Variants in ALKBH8 observed in about 807,000 individuals in gnomAD.
ALKBH8 encodes the protein alkB homolog 8, tRNA methyltransferase.
ALKBH8 carries 36 observed loss-of-function variants against 59.8 expected under a neutral mutation model. That is an observed-to-expected ratio of 0.60 (90% CI 0.46 to 0.79). The LOEUF is 0.79. Ranked by LOEUF, ALKBH8 falls within the 30% of genes least tolerant of loss-of-function variation. The probability of loss-of-function intolerance (pLI) is 0.00; values close to 1 mark genes in which losing one functional copy is unlikely to be tolerated. For synonymous variants in ALKBH8, 276 were observed against 273.6 expected (o/e 1.01, Z -0.09); for missense variants, 768 against 801.0 (o/e 0.96, Z 0.50).
intron 2 of ALKBH8, among the ~76,000 whole-genome samples, chr11:107,557,423 C>T (rs551651591): frequency 1.7e-3 from 261 of 152,260 alleles, no homozygotes; most frequent in African/African-American, 5.8e-3. Context: ...ATCTTCACAA[C>T]ATATTGAATT....
chr11:107,506,499 A>T (rs1862392599), intron 11 of ALKBH8, among the ~76,000 whole-genome samples: 1 of 152,150 alleles, frequency 6.6e-6, no homozygotes, highest in South Asian at 2.1e-4. Flanking sequence ...GAAAAGATCA[A>T]GAATTTCAGT....
At chr11:107,545,639 C>T (rs1235791343) in intron 7 of ALKBH8, among the ~76,000 whole-genome samples, 4 of 152,116 alleles carry the variant, frequency 2.6e-5, no homozygotes, top group Non-Finnish European at 4.4e-5. Flanking sequence ...TACTGATGAA[C>T]GGACTTCCAT....
At chr11:107,553,775 A>G in intron 4 of ALKBH8, 72 bp downstream of exon 4, 2 of 1,500,088 alleles carry the variant, frequency 1.3e-6, no homozygotes, top group Middle Eastern at 3.8e-4. Context: ...TTAATAAACC[A>G]TGAAAGACAG....
intron 1 of ALKBH8, among the ~76,000 whole-genome samples, chr11:107,563,238 T>C (rs1443706121): frequency 1.3e-5 from 2 of 152,228 alleles, no homozygotes; most frequent in African/African-American, 2.4e-5. Context: ...TTAATTATAA[T>C]TATTTGTTTT....
Position 107,504,695 on chromosome 11 carries a change from T to C in ALKBH8, c.1958A>G (p.Asp653Gly). Residue 653 changes from aspartate to glycine, a missense_variant, in exon 12 of 12, where the codon GAT (aspartate) becomes GGT (glycine). Transcript: ENST00000428149. ...AAGAATCACACACCAGTTTCCTTGA[T>C]CGTAGTAGCTTTGCAGAATTCTGAC... The part of the protein sequence containing the change: ...SDVRILQSYY[D>G]QGNWCVILQK... 1.3e-6 allele frequency: 2 copies of C among 1,550,180 alleles called. No homozygotes were observed. The highest frequency in any genetic ancestry group is 1.7e-6 in the Non-Finnish European group (2 of 1,146,232).
chr11:107,562,029 G>C (rs1864956543), intron 1 of ALKBH8, among the ~76,000 whole-genome samples: 7 of 152,130 alleles, frequency 4.6e-5, no homozygotes, highest in Non-Finnish European at 8.8e-5. Flanking sequence ...TGTGGGCTGG[G>C]AGCAGTGACT....
intron 1 of ALKBH8, among the ~76,000 whole-genome samples, chr11:107,563,932 C>A (rs1865034001): frequency 6.6e-6 from 1 of 152,122 alleles, no homozygotes. Flanking sequence ...AGTTTTCCAC[C>A]ATTCCAGTGG....
intron 2 of ALKBH8, 82 bp downstream of exon 2, chr11:107,560,683 G>A (rs113832974): frequency 1.5e-6 from 2 of 1,324,330 alleles, no homozygotes; most frequent in East Asian, 5.0e-5. Context: ...TACAGCCTTA[G>A]GCAATTATTA....
At position 107,504,729 on chromosome 11, in the gene ALKBH8, C is replaced by G. The variant is rs780419869; in HGVS notation, c.1924G>C (p.Val642Leu). The change falls in exon 12 of 12, where the codon GTG becomes CTG. Residue 642 changes from valine to leucine, a missense_variant. By Grantham distance (32) the Val-to-Leu change is conservative. Transcript: ENST00000428149. Reference protein sequence around the residue: ...EGELEGACRTVSDVRILQSYY... With the variant: ...EGELEGACRTLSDVRILQSYY... ...CTTTGCAGAATTCTGACATCACTCA[C>G]AGTCCTGCAGGCACCTTCCAGTTCT... 2.6e-6 allele frequency: 4 copies of G among 1,551,826 alleles called. No homozygotes were observed. The South Asian group carries it at 4.8e-5, about 18-fold the overall frequency.
At chr11:107,520,558 A>G (rs1436570246) in intron 10 of ALKBH8, among the ~76,000 whole-genome samples, 1 of 152,214 alleles carries the variant, frequency 6.6e-6, no homozygotes, top group Non-Finnish European at 1.5e-5. Flanking sequence ...CTACTGAGAA[A>G]CATTTTTGGA....
intron 8 of ALKBH8, among the ~76,000 whole-genome samples, chr11:107,531,516 C>T (rs1565329015): frequency 6.6e-6 from 1 of 152,136 alleles, no homozygotes; most frequent in Non-Finnish European, 1.5e-5. Flanking sequence ...AAAGACTAAA[C>T]AGAATTGACA....
intron 2 of ALKBH8, among the ~76,000 whole-genome samples, chr11:107,559,805 TATG>T (rs1389723111): frequency 6.6e-6 from 1 of 152,166 alleles, no homozygotes; most frequent in Admixed American, 6.5e-5. Flanking sequence ...ATTCTCAAGC[TATG>T]ATGTTGTACA....
At position 107,565,636 on chromosome 11, in the gene ALKBH8, T is replaced by G. The variant is rs984998699; in HGVS notation, c.-42A>C. 6.5e-7 allele frequency: 1 copy of G among 1,535,604 alleles called. No individual in the cohort carries two copies. The highest frequency in any genetic ancestry group is 1.2e-5 in the South Asian group (1 of 84,070). On this transcript the variant is annotated 5_prime_UTR_variant, in exon 1 of 12. Transcript: ENST00000428149. ...GCTCAGGCCGGATTCTCACCATGCG[T>G]GTGCCTTCTTCTTTGCCAGCCTCTC...
chr11:107,553,713 A>G (rs1864588346), intron 4 of ALKBH8, 134 bp downstream of exon 4: 1 of 895,818 alleles, frequency 1.1e-6, no homozygotes, highest in East Asian at 2.7e-5. Flanking sequence ...AATTGTTGGT[A>G]TGACTTGCCT....
chr11:107,544,879 AC>A (rs1363737934), intron 7 of ALKBH8, among the ~76,000 whole-genome samples: 1 of 151,376 alleles, frequency 6.6e-6, no homozygotes, highest in Non-Finnish European at 1.5e-5. Context: ...AGAAATACAC[AC>A]CCACCAGGAT....
chr11:107,505,287 G>A lies in ALKBH8; in HGVS notation c.1438-72C>T, dbSNP rs1862336759. On this transcript the variant is annotated intron_variant, in intron 11 of 11. Coordinates refer to ENST00000428149, the MANE Select transcript of ALKBH8 (RefSeq NM_138775.3). ...AATCAGAAAATAAAACTGACCATAGGACTGTTTTCAATTAGGATGAACAAT... is the reference window on the plus strand; with the variant it reads ...AATCAGAAAATAAAACTGACCATAGAACTGTTTTCAATTAGGATGAACAAT... 1.2e-5 allele frequency: 15 copies of A among 1,212,114 alleles called. No individual in the cohort carries two copies. In the South Asian group the frequency reaches 2.3e-4, roughly 19 times the overall value. 75.1% of individuals were successfully genotyped at this position (1,212,114 alleles called of 1,614,324 possible).
intron 8 of ALKBH8, among the ~76,000 whole-genome samples, chr11:107,526,615 T>C (rs1175925369): frequency 6.6e-6 from 1 of 151,998 alleles, no homozygotes; most frequent in East Asian, 1.9e-4. Context: ...CTTAATAGTG[T>C]GTTATGAAAT....
intron 10 of ALKBH8, among the ~76,000 whole-genome samples, chr11:107,517,496 C>T (rs1319895013): frequency 2.0e-5 from 3 of 152,100 alleles, no homozygotes; most frequent in African/African-American, 7.2e-5. Context: ...TATACAATAG[C>T]CAAGATACAG....
chr11:107,534,757 CTT>C (rs35760148), intron 7 of ALKBH8, among the ~76,000 whole-genome samples: 1 of 147,896 alleles, frequency 6.8e-6, no homozygotes, highest in Non-Finnish European at 1.5e-5. Flanking sequence ...CATTCCTCAT[CTT>C]TTTTTTTTTT....
Sources: gnomAD v4.1 joint callset for allele counts (sites outside exome capture counted in the v4.1 genomes callset) on GRCh38, gnomAD v4.1.1 for gene constraint, MANE v1.5 for transcripts, NCBI Gene and HGNC (gene_info 2026-07-23, HGNC 2026-07-21) for gene names.